Variants in DMD observed in about 807,000 individuals in gnomAD.
DMD encodes the protein mutant dystrophin.
DMD carries 63 observed loss-of-function variants against 330.1 expected under a neutral mutation model. The observed-to-expected ratio is 0.19, with a 90% CI of 0.16 to 0.24. DMD has a LOEUF of 0.24. Ranked by LOEUF, DMD falls within the 10% of genes least tolerant of loss-of-function variation. The pLI, the probability that DMD is intolerant of heterozygous loss-of-function variation, is 1.00. For missense variants in DMD, 3,344 were observed against 2,684.1 expected (o/e 1.25, Z -5.43); for synonymous variants, 1,223 against 959.8 (o/e 1.27, Z -5.07).
At chrX:33,329,806 C>G (rs761226734) in intron 1 of DMD, among the ~76,000 whole-genome samples, 1 of 111,745 alleles carries the variant, frequency 8.9e-6, no homozygotes, top group Admixed American at 9.5e-5. Flanking sequence ...TGGTAATATT[C>G]TTTTCTTGCC....
At chrX:31,896,450 C>T (rs1379138364) in intron 47 of DMD, among the ~76,000 whole-genome samples, 3 of 111,378 alleles carry the variant, frequency 2.7e-5, no homozygotes, top group African/African-American at 9.8e-5. Context: ...AAACATTCTG[C>T]TTATTTTTTT....
At chrX:31,455,434 T>A (rs1439004324) in intron 59 of DMD, among the ~76,000 whole-genome samples, 1 of 111,866 alleles carries the variant, frequency 8.9e-6, no homozygotes, top group Non-Finnish European at 1.9e-5. Context: ...TAGTACATGA[T>A]AATCCCTCAA....
At chrX:32,009,334 C>T (rs781079215) in intron 44 of DMD, among the ~76,000 whole-genome samples, 47 of 111,549 alleles carry the variant, frequency 4.2e-4, no homozygotes, top group African/African-American at 1.5e-3. Flanking sequence ...ACAATCAGTG[C>T]GTTTTTCTGT....
chrX:31,341,891 G>GCGCGCGCGCGCACGCACACACACACA (rs374298104), intron 61 of DMD, among the ~76,000 whole-genome samples: 1 of 98,876 alleles, frequency 1.0e-5, no homozygotes, highest in Non-Finnish European at 2.0e-5. Flanking sequence ...GTGCGCGCGC[G>GCGCGCGCGCGCACGCACACACACACA]CACACACACA....
intron 62 of DMD, among the ~76,000 whole-genome samples, chrX:31,310,995 G>A (rs1158609898): frequency 7.2e-5 from 8 of 111,478 alleles, no homozygotes; most frequent in Non-Finnish European, 1.5e-4. Context: ...TTTGCACCAT[G>A]TAGTTATAAT....
intron 30 of DMD, among the ~76,000 whole-genome samples, chrX:32,408,917 C>CATCA (rs2098130833): frequency 9.6e-6 from 1 of 104,320 alleles, no homozygotes; most frequent in Non-Finnish European, 2.0e-5. Flanking sequence ...TCTATCCATC[C>CATCA]ATCAATCCAT....
At position 32,519,561 on chromosome X, in the gene DMD, G is replaced by A. The variant is rs777285967; in HGVS notation, c.2169-1430C>T. ...AACAGGGAAGAATAATTATCTTTCTGGTTTATAATACTTTCATTGATATAG... is the reference window on the plus strand; with the variant it reads ...AACAGGGAAGAATAATTATCTTTCTAGTTTATAATACTTTCATTGATATAG... On this transcript the variant is annotated intron_variant, in intron 17 of 78. Transcript: ENST00000357033. Among the ~76,000 whole-genome samples the A allele has an allele frequency of 2.3e-3, 250 of 110,920 alleles. 2 individuals carry two copies. The highest frequency in any genetic ancestry group is 8.0e-3 in the African/African-American group (245 of 30,600).
intron 22 of DMD, among the ~76,000 whole-genome samples, chrX:32,470,142 T>A (rs1253328987): frequency 1.8e-5 from 2 of 111,459 alleles, no homozygotes; most frequent in Non-Finnish European, 3.8e-5. Flanking sequence ...TACTTCTTCC[T>A]TTACAATTTA....
chrX:32,516,018 A>G (rs1284160191), intron 18 of DMD, among the ~76,000 whole-genome samples: 1 of 111,457 alleles, frequency 9.0e-6, no homozygotes, highest in Non-Finnish European at 1.9e-5. Flanking sequence ...CTAACTGGCT[A>G]AAAGCATTTG....
chrX:32,162,517 G>A (rs1041209567), intron 44 of DMD, among the ~76,000 whole-genome samples: 2 of 108,334 alleles, frequency 1.8e-5, no homozygotes, highest in South Asian at 4.1e-4. Context: ...CAGAAACATC[G>A]TAGTCAAAGT....
At chrX:32,466,093 T>A (rs1398959154) in intron 23 of DMD, among the ~76,000 whole-genome samples, 4 of 111,472 alleles carry the variant, frequency 3.6e-5, no homozygotes, top group Non-Finnish European at 7.5e-5. Context: ...GTTTTTATTG[T>A]TATTATTATC....
chrX:31,944,143 C>A (rs2150061366), intron 45 of DMD, among the ~76,000 whole-genome samples: 1 of 111,299 alleles, frequency 9.0e-6, no homozygotes, highest in African/African-American at 3.3e-5. Flanking sequence ...CCTGGGAGTC[C>A]CTGAGACCCA....
chrX:33,033,257 A>C (rs899365523), intron 1 of DMD, among the ~76,000 whole-genome samples: 2 of 110,311 alleles, frequency 1.8e-5, no homozygotes, highest in Non-Finnish European at 3.8e-5. Flanking sequence ...CAGGTTTATT[A>C]TGCCACTGGA....
intron 50 of DMD, among the ~76,000 whole-genome samples, chrX:31,808,964 T>C (rs1332615108): frequency 9.1e-6 from 1 of 110,248 alleles, no homozygotes; most frequent in Non-Finnish European, 1.9e-5. Context: ...TAATCCATAA[T>C]GAACATTATA....
At chrX:32,573,459 G>A (rs1228512698) in intron 15 of DMD, 71 bp downstream of exon 15, 4 of 821,543 alleles carry the variant, frequency 4.9e-6, no homozygotes, top group Admixed American at 2.3e-5. Context: ...TAGCATAGAA[G>A]AGACTAAATA....
intron 17 of DMD, among the ~76,000 whole-genome samples, chrX:32,538,544 G>A (rs780703999): frequency 9.0e-6 from 1 of 111,235 alleles, no homozygotes; most frequent in Non-Finnish European, 1.9e-5. Context: ...CAGCCTTGTT[G>A]CTCACACAAA....
intron 2 of DMD, among the ~76,000 whole-genome samples, chrX:33,016,431 G>A (rs1209831954): frequency 9.0e-6 from 1 of 111,083 alleles, no homozygotes; most frequent in African/African-American, 3.3e-5. Context: ...ATAATTTCCA[G>A]GTCTTCTCCC....
intron 55 of DMD, among the ~76,000 whole-genome samples, chrX:31,577,692 A>T (rs2076166979): frequency 8.9e-6 from 1 of 112,038 alleles, no homozygotes; most frequent in South Asian, 3.8e-4. Context: ...GTCAATCAGT[A>T]TGCTTCATAT....
At chrX:32,893,595 TGGGG>T (rs2085424544) in intron 2 of DMD, among the ~76,000 whole-genome samples, 1 of 112,055 alleles carries the variant, frequency 8.9e-6, no homozygotes, top group Non-Finnish European at 1.9e-5. Flanking sequence ...TGATAAACAG[TGGGG>T]TTATTAAGCA....
Sources: allele counts gnomAD v4.1 joint callset (sites outside exome capture counted in the v4.1 genomes callset), GRCh38; gene constraint gnomAD v4.1.1; transcripts MANE v1.5; gene names NCBI Gene and HGNC (gene_info 2026-07-23, HGNC 2026-07-21).